Variants in ARV1 observed in about 807,000 individuals in gnomAD.
ARV1 encodes protein ARV1.
In ARV1, 26 loss-of-function variants were observed where a neutral mutation model predicts 31.1. The ratio of observed to expected loss-of-function variants is 0.84; its 90% CI spans 0.61 to 1.16. ARV1 has a LOEUF of 1.16. ARV1 is among the 50% of genes most tolerant of loss of function. ARV1 has a pLI of 0.00. For synonymous variants in ARV1, 117 were observed against 123.2 expected (o/e 0.95, Z 0.34); for missense variants, 281 against 324.9 (o/e 0.86, Z 1.04).
At chr1:230,982,130 A>G (rs1007436396) in intron 1 of ARV1, among the ~76,000 whole-genome samples, 5 of 152,254 alleles carry the variant, frequency 3.3e-5, no homozygotes, top group African/African-American at 1.2e-4. Flanking sequence ...ATGTAGCTGT[A>G]TCACCCAGAA....
intron 3 of ARV1, among the ~76,000 whole-genome samples, chr1:230,993,495 A>G (rs544509562): frequency 6.6e-6 from 1 of 152,332 alleles, no homozygotes; most frequent in African/African-American, 2.4e-5. Context: ...TCTTATAGCA[A>G]CTACTCTGTA....
At chr1:230,985,629 A>T (rs1679044537) in intron 1 of ARV1, among the ~76,000 whole-genome samples, 2 of 152,310 alleles carry the variant, frequency 1.3e-5, no homozygotes, top group East Asian at 3.9e-4. Context: ...TAGACTTGTG[A>T]TGCTGTCCAA....
chr1:230,980,697 T>C (rs1222569454), intron 1 of ARV1, among the ~76,000 whole-genome samples: 1 of 151,748 alleles, frequency 6.6e-6, no homozygotes, highest in Non-Finnish European at 1.5e-5. Flanking sequence ...ATTTCTTTAC[T>C]GTACTGTCTT....
chr1:230,990,536 G>C, intron 3 of ARV1: 1 of 308,050 alleles, frequency 3.2e-6, no homozygotes, highest in Non-Finnish European at 5.9e-6. Context: ...CAATATTGTT[G>C]ATAAAATTCT....
intron 1 of ARV1, among the ~76,000 whole-genome samples, chr1:230,980,840 T>C (rs1678890703): frequency 6.6e-6 from 1 of 152,144 alleles, no homozygotes; most frequent in African/African-American, 2.4e-5. Context: ...GCTCTTTTTC[T>C]TCTTAATTAG....
intron 1 of ARV1, among the ~76,000 whole-genome samples, chr1:230,983,241 C>T (rs1003344676): frequency 6.6e-6 from 1 of 151,922 alleles, no homozygotes; most frequent in African/African-American, 2.4e-5. Context: ...GGTGAAACCC[C>T]ATCTCTCTAA....
At chr1:230,985,956 G>A (rs1021491754) in intron 1 of ARV1, among the ~76,000 whole-genome samples, 1 of 149,744 alleles carries the variant, frequency 6.7e-6, no homozygotes, top group African/African-American at 2.5e-5. Flanking sequence ...TTGCTGTGTT[G>A]CCCAGGCTGG....
At chr1:230,986,441 A>C (rs1679070515) in intron 1 of ARV1, among the ~76,000 whole-genome samples, 1 of 152,134 alleles carries the variant, frequency 6.6e-6, no homozygotes, top group African/African-American at 2.4e-5. Flanking sequence ...TTAAAAGGCC[A>C]GCCTAGAAGG....
chr1:230,988,395 A>C lies in ARV1; in HGVS notation c.250A>C (p.Lys84Gln). 6.3e-7 allele frequency: 1 copy of C among 1,598,870 alleles called. No homozygotes were observed. Among genetic ancestry groups the C allele is most frequent in the Non-Finnish European group, 8.6e-7 (1 of 1,168,634 alleles). Residue 84 changes from lysine to glutamine, a missense_variant, in exon 2 of 6, where the codon AAA becomes CAA. Physicochemically the swap from Lys to Gln is moderately conservative, Grantham distance 53 (BLOSUM62 1). Coordinates refer to ENST00000310256, the MANE Select transcript of ARV1 (RefSeq NM_022786.3). Reference protein sequence around the residue: ...VIILINAILCKAQAYRHILFN... With the variant: ...VIILINAILCQAQAYRHILFN... ...CATCTTGATTAATGCTATATTGTGC[A>C]AAGCTCAGGCCTACAGACATATTCT...
Position 231,000,664 on chromosome 1 carries a change from A to G in ARV1, c.*531A>G, listed in dbSNP as rs1679502132. 1 of 152,246 alleles carries G rather than the reference A, an allele frequency of 6.6e-6. No homozygotes were observed. Among genetic ancestry groups the G allele is most frequent in the African/African-American group, 2.4e-5 (1 of 41,466 alleles). 9.4% of individuals were successfully genotyped at this position (152,246 alleles called of 1,614,324 possible). ...ATTGGATGATCCAAAAATAAGTGATAATGAAAACCACTGAGTTATATACTT... is the reference window on the plus strand; with the variant it reads ...ATTGGATGATCCAAAAATAAGTGATGATGAAAACCACTGAGTTATATACTT... On this transcript the variant is annotated 3_prime_UTR_variant, in exon 6 of 6. Coordinates refer to ENST00000310256, the MANE Select transcript of ARV1 (RefSeq NM_022786.3).
intron 1 of ARV1, among the ~76,000 whole-genome samples, chr1:230,980,809 C>T (rs140181667): frequency 6.6e-6 from 1 of 151,112 alleles, no homozygotes; most frequent in African/African-American, 2.4e-5. Context: ...ACACTTGCTG[C>T]CACTTCCCCC....
intron 4 of ARV1, among the ~76,000 whole-genome samples, chr1:230,996,675 G>A (rs1179078735): frequency 2.0e-5 from 3 of 152,086 alleles, no homozygotes; most frequent in Admixed American, 6.5e-5. Context: ...GGCTCGAGCA[G>A]TCTGTCCACC....
At position 230,979,160 on chromosome 1, in the gene ARV1, G is replaced by A; in HGVS notation, c.55G>A (p.Val19Met). Residue 19 changes from valine (V) to methionine (M), a missense_variant, in exon 1 of 6, where the codon GTG becomes ATG. Val to Met is a conservative substitution (Grantham distance 21). Coordinates refer to ENST00000310256, the MANE Select transcript of ARV1 (RefSeq NM_022786.3). Reference protein sequence around the residue: ...LQQGKGNVDGVAATPTAASAS... With the variant: ...LQQGKGNVDGMAATPTAASAS... The stretch of plus-strand genomic sequence containing the variant: ...GCAGGGGAAGGGGAACGTGGATGGG[G>A]TGGCAGCGACTCCTACTGCTGCCTC... The A allele has an allele frequency of 1.2e-6, 2 of 1,613,052 alleles. No homozygotes were observed. The highest frequency in any genetic ancestry group is 1.1e-5 in the South Asian group (1 of 90,976).
chr1:230,990,035 A>G (rs1360319651), intron 2 of ARV1, 75 bp from the exon 3 acceptor site: 1 of 1,427,218 alleles, frequency 7.0e-7, no homozygotes, highest in Non-Finnish European at 9.3e-7. Flanking sequence ...GGATGCCACA[A>G]ATACTCTGTA....
chr1:230,994,526 G>A (rs1055342120), intron 3 of ARV1, among the ~76,000 whole-genome samples: 3 of 150,940 alleles, frequency 2.0e-5, no homozygotes, highest in African/African-American at 4.9e-5. Context: ...ATTTCATGGA[G>A]GTTAACCATC....
intron 3 of ARV1, among the ~76,000 whole-genome samples, chr1:230,990,941 G>A (rs1679213069): frequency 6.6e-6 from 1 of 152,096 alleles, no homozygotes; most frequent in Non-Finnish European, 1.5e-5. Flanking sequence ...TTTATTAATA[G>A]AGATAATTGC....
In ARV1 at chr1:230,979,101, T is replaced by C. The variant is rs749238620; in HGVS notation, c.-5T>C. The C allele has an allele frequency of 6.2e-7, 1 of 1,605,668 alleles. No homozygotes were observed. The highest frequency in any genetic ancestry group is 1.8e-4 in the Middle Eastern group (1 of 5,560). Reference sequence around the variant, plus strand: ...TCGGAAGTTCTGGACTGCAGTTGAGTGGAAATGGGCAACGGCGGGCGGAGC... The same window carrying C: ...TCGGAAGTTCTGGACTGCAGTTGAGCGGAAATGGGCAACGGCGGGCGGAGC... On this transcript the variant is annotated 5_prime_UTR_variant, in exon 1 of 6. Coordinates refer to ENST00000310256, the MANE Select transcript of ARV1 (RefSeq NM_022786.3).
intron 4 of ARV1, among the ~76,000 whole-genome samples, chr1:230,996,264 C>T (rs902473722): frequency 3.9e-4 from 59 of 152,190 alleles, no homozygotes; most frequent in African/African-American, 1.4e-3. Context: ...TATGAATGAG[C>T]TCCTGGGGCT....
intron 2 of ARV1, 71 bp downstream of exon 2, chr1:230,988,510 T>C: frequency 7.8e-7 from 1 of 1,284,810 alleles, no homozygotes; most frequent in Non-Finnish European, 1.1e-6. Context: ...ATAAGAATTT[T>C]AAACAGAAGT....
Sources: gnomAD v4.1 joint callset for allele counts (sites outside exome capture counted in the v4.1 genomes callset) on GRCh38, gnomAD v4.1.1 for gene constraint, MANE v1.5 for transcripts, NCBI Gene and HGNC (gene_info 2026-07-23, HGNC 2026-07-21) for gene names.